The following RSRP1 variants were observed in gnomAD, a reference collection of about 807,000 sequenced individuals.
RSRP1 encodes the protein arginine and serine rich protein 1, also known as arginine/serine-rich protein 1.
A neutral mutation model predicts 33.0 loss-of-function variants in RSRP1; 37 were observed. The observed-to-expected ratio is 1.12, with a 90% CI of 0.86 to 1.48. RSRP1 has a LOEUF of 1.48. RSRP1 is among the 40% of genes most tolerant of loss of function. The probability of loss-of-function intolerance (pLI) is 0.00; values close to 1 mark genes in which losing one functional copy is unlikely to be tolerated. For synonymous variants in RSRP1, 167 were observed against 158.7 expected (o/e 1.05, Z -0.40); for missense variants, 402 against 385.3 (o/e 1.04, Z -0.36).
At chr1:25,247,979 T>G (rs913649487), upstream of RSRP1, 14 of 152,254 alleles carry the variant, frequency 9.2e-5, no homozygotes, top group Admixed American at 9.2e-4. Context: ...GGCCTCTTCC[T>G]CCTGTCCTAG....
chr1:25,251,579 G>A (rs1639782181), upstream of RSRP1, among the ~76,000 whole-genome samples: 1 of 152,090 alleles, frequency 6.6e-6, no homozygotes, highest in African/African-American at 2.4e-5. Flanking sequence ...ATGTTGGTCA[G>A]GCTGATCTCC....
At chr1:25,258,478 G>A (rs926103938) in intron 1 of RSRP1, among the ~76,000 whole-genome samples, 3 of 152,052 alleles carry the variant, frequency 2.0e-5, no homozygotes, top group Admixed American at 6.6e-5. Flanking sequence ...GTGCCCAGCC[G>A]GCAACTGGTG....
chr1:25,318,167 A>T lies in RSRP1; in HGVS notation c.-67+19811T>A, dbSNP rs1301569755. ...TGAAACCCCATCTCTACTAAAAATTAAAAAATAAGCCAGGCGTGGTGTTGG... is the reference window on the plus strand; with the variant it reads ...TGAAACCCCATCTCTACTAAAAATTTAAAAATAAGCCAGGCGTGGTGTTGG... On this transcript the variant is annotated intron_variant, in intron 1 of 1. Coordinates refer to the RSRP1 transcript ENST00000561867. 6 of 130,658 alleles carry T rather than the reference A, an allele frequency of 4.6e-5. 1 individual carries two copies. Among genetic ancestry groups the T allele is most frequent in the African/African-American group, 1.0e-4 (4 of 38,236 alleles). The allele number at this position is 130,658 out of a possible 1,614,324, so 8.1% of individuals were successfully genotyped here.
At chr1:25,246,342 A>C in intron 2 of RSRP1, 102 bp downstream of exon 2, 1 of 1,512,396 alleles carries the variant, frequency 6.6e-7, no homozygotes, top group Non-Finnish European at 8.9e-7. Flanking sequence ...TCGGGCACTA[A>C]AGGAACTAAT....
In RSRP1 at chr1:25,315,809, C is replaced by T. The variant is rs1644412358; in HGVS notation, c.-67+22169G>A. Among the ~76,000 whole-genome samples the T allele has an allele frequency of 2.3e-5, 3 of 130,832 alleles. 1 individual carries two copies. The highest frequency in any genetic ancestry group is 2.2e-4 in the Admixed American group (3 of 13,444). The allele number at this position is 130,832 out of a possible 152,430, so 85.8% of individuals were successfully genotyped here. ...CCACACCCGGCCTTAATTTATTTTT[C>T]TAGTCTGCAGGTAATTCTTTTTAAT... On this transcript the variant is annotated intron_variant, in intron 1 of 1. Coordinates refer to the RSRP1 transcript ENST00000561867.
At chr1:25,336,858 T>C (rs1356034453) in intron 1 of RSRP1, among the ~76,000 whole-genome samples, 2 of 151,710 alleles carry the variant, frequency 1.3e-5, no homozygotes, top group Admixed American at 6.5e-5. Context: ...TAGATTGTCA[T>C]GCAGTTTTAT....
Position 25,245,156 on chromosome 1 carries a change from C to T in RSRP1, c.666G>A (p.Lys222=). Residue 222 remains lysine, a synonymous_variant, in exon 3 of 5, where the codon AAG becomes AAA. Coordinates refer to ENST00000243189, the MANE Select transcript of RSRP1 (RefSeq NM_020317.5). ...ACAAACCTAGAATACTTACTTCAGG[C>T]TTTGCACCATTACTTGATACACCTA... The part of the protein sequence containing the change: ...RGIGVSSNGA[K]PELSEKVTED... 1 of 1,614,166 alleles carries T rather than the reference C, an allele frequency of 6.2e-7. No homozygotes were observed. The highest frequency in any genetic ancestry group is 8.5e-7 in the Non-Finnish European group (1 of 1,180,032).
Position 25,284,849 on chromosome 1 carries a change from T to G in RSRP1, c.-66-37820A>C, listed in dbSNP as rs371742835. ...CCAGAAGATCTGGGATATTGCCCCC[T>G]CTCTGTCTAGCACCAGTGCTGTGCA... On this transcript the variant is annotated intron_variant, in intron 1 of 1. Coordinates refer to the RSRP1 transcript ENST00000561867. 8.1e-4 allele frequency: 973 copies of G among 1,208,186 alleles called. 1 individual carries two copies. The highest frequency in any genetic ancestry group is 1.1e-3 in the Non-Finnish European group (893 of 831,898). The allele number at this position is 1,208,186 out of a possible 1,614,324, so 74.8% of individuals were successfully genotyped here. A position where few individuals can be genotyped will look rare whatever the true frequency, so the allele number is the denominator to read the frequency against.
intron 1 of RSRP1, chr1:25,272,307 G>C (rs529075125): frequency 2.0e-6 from 1 of 505,810 alleles, no homozygotes; most frequent in East Asian, 3.0e-5. Flanking sequence ...CCTGTAACAG[G>C]AACACAGCAA....
chr1:25,243,240 G>A (rs1031034699), intron 4 of RSRP1, among the ~76,000 whole-genome samples: 4 of 152,118 alleles, frequency 2.6e-5, no homozygotes, highest in South Asian at 4.1e-4. Context: ...TTGAGGCTTC[G>A]TTTTTGAAAC....
Position 25,310,770 on chromosome 1 carries a change from G to A in RSRP1, c.-67+27208C>T, listed in dbSNP as rs1324427398. ...GTGGATCACCTGAGGTCAGGAGTTCGAGACCAGCCTAGCTAACATGGTGAA... is the reference window on the plus strand; with the variant it reads ...GTGGATCACCTGAGGTCAGGAGTTCAAGACCAGCCTAGCTAACATGGTGAA... On this transcript the variant is annotated intron_variant, in intron 1 of 1. Transcript: ENST00000561867. Among the ~76,000 whole-genome samples the A allele has an allele frequency of 6.8e-5, 9 of 132,094 alleles. 1 individual carries two copies. Among genetic ancestry groups the A allele is most frequent in the Admixed American group, 3.7e-4 (5 of 13,518 alleles). 86.7% of individuals were successfully genotyped at this position (132,094 alleles called of 152,430 possible). A position where few individuals can be genotyped will look rare whatever the true frequency, so the allele number is the denominator to read the frequency against.
rs571212473 is a variant in RSRP1, at chr1:25,309,235, T to A, written c.-67+28743A>T. Among the ~76,000 whole-genome samples, 865 of 131,960 alleles carry A rather than the reference T, an allele frequency of 6.6e-3. 146 individuals carry two copies. Among genetic ancestry groups the A allele is most frequent in the African/African-American group, 0.022 (829 of 38,168 alleles). The allele number at this position is 131,960 out of a possible 152,430, so 86.6% of individuals were successfully genotyped here. A position where few individuals can be genotyped will look rare whatever the true frequency, so the allele number is the denominator to read the frequency against. ...GAGCATTTCCCACAAACTGTGGGATTTTTAAGTAATGGGAAGGCACACTGA... is the reference window on the plus strand; with the variant it reads ...GAGCATTTCCCACAAACTGTGGGATATTTAAGTAATGGGAAGGCACACTGA... On this transcript the variant is annotated intron_variant, in intron 1 of 1. Coordinates refer to the RSRP1 transcript ENST00000561867.
intron 3 of RSRP1, chr1:25,243,980 G>A (rs772137767): frequency 1.3e-5 from 15 of 1,151,038 alleles, no homozygotes; most frequent in African/African-American, 9.7e-5. Flanking sequence ...GCACCTAATC[G>A]TCTGAACAAA....
intron 1 of RSRP1, among the ~76,000 whole-genome samples, chr1:25,277,692 T>G (rs565873820): frequency 7.8e-6 from 1 of 128,768 alleles, no homozygotes; most frequent in African/African-American, 2.6e-5. Flanking sequence ...AGCTTTTTTT[T>G]TGAGACAGAG....
intron 1 of RSRP1, among the ~76,000 whole-genome samples, chr1:25,336,643 T>C (rs1047914617): frequency 6.7e-6 from 1 of 150,066 alleles, no homozygotes; most frequent in African/African-American, 2.5e-5. Context: ...AAGGAGTTAG[T>C]ATCTTTTCTC....
intron 1 of RSRP1, among the ~76,000 whole-genome samples, chr1:25,257,502 G>A (rs141521989): frequency 8.7e-4 from 132 of 152,010 alleles, no homozygotes; most frequent in African/African-American, 2.8e-3. Flanking sequence ...AGTTAGAAAT[G>A]CCCATTTTAG....
rs980150178 is a variant in RSRP1 at position 25,312,598 on chromosome 1, A to G, written c.-67+25380T>C. ...GTCTCTACAAAAAATAAAAATAAAA[A>G]AATTAGCCAGGTATTGTGGCATATA... On this transcript the variant is annotated intron_variant, in intron 1 of 1. Transcript: ENST00000561867. 5.4e-5 allele frequency among the ~76,000 whole-genome samples: 7 copies of G among 129,060 alleles called. 2 individuals are homozygous for G. The highest frequency in any genetic ancestry group is 1.3e-4 in the Non-Finnish European group (7 of 54,704). The allele number at this position is 129,060 out of a possible 152,430, so 84.7% of individuals were successfully genotyped here.
In RSRP1 at chr1:25,285,716, C is replaced by A. The variant is rs1457460852; in HGVS notation, c.-66-38687G>T. On this transcript the variant is annotated intron_variant, in intron 1 of 1. Transcript: ENST00000561867. Reference sequence around the variant, plus strand: ...TGATGATTACACATCAAGCTATACACGTTTTAAAAGGGCATTGGCACTTAA... The same window carrying A: ...TGATGATTACACATCAAGCTATACAAGTTTTAAAAGGGCATTGGCACTTAA... Among the ~76,000 whole-genome samples, 8 of 135,176 alleles carry A rather than the reference C, an allele frequency of 5.9e-5. 1 individual carries two copies. The highest frequency in any genetic ancestry group is 1.8e-4 in the African/African-American group (7 of 39,112). 88.7% of individuals were successfully genotyped at this position (135,176 alleles called of 152,430 possible).
Position 25,289,913 on chromosome 1 carries a change from C to T in RSRP1, c.-66-42884G>A, listed in dbSNP as rs2124639010. 1.5e-5 allele frequency among the ~76,000 whole-genome samples: 2 copies of T among 129,704 alleles called. 1 individual carries two copies. The highest frequency in any genetic ancestry group is 4.8e-4 in the South Asian group (2 of 4,206). 85.1% of individuals were successfully genotyped at this position (129,704 alleles called of 152,430 possible). ...TCATTGGTCAAAGGAAGGAAGGAAT[C>T]ATAATAGCGTTAATAAGGCTAGCGT... On this transcript the variant is annotated intron_variant, in intron 1 of 1. Transcript: ENST00000561867.
Sources: allele counts gnomAD v4.1 joint callset (sites outside exome capture counted in the v4.1 genomes callset), GRCh38; gene constraint gnomAD v4.1.1; transcripts MANE v1.5; gene names NCBI Gene and HGNC (gene_info 2026-07-23, HGNC 2026-07-21).